The following SAMD12 variants were observed in gnomAD, a reference collection of about 807,000 sequenced individuals.
SAMD12 encodes sterile alpha motif domain containing 12.
In SAMD12, 9 loss-of-function variants were observed where a neutral mutation model predicts 15.0. That is an observed-to-expected ratio of 0.60 (90% CI 0.36 to 1.05). SAMD12 has a LOEUF of 1.05. Ranked by LOEUF, SAMD12 falls within the 50% of genes least tolerant of loss-of-function variation. The pLI is 0.01. For synonymous variants in SAMD12, 86 were observed against 90.1 expected (o/e 0.96, Z 0.25); for missense variants, 230 against 234.2 (o/e 0.98, Z 0.12).
At chr8:118,254,997 T>A (rs1000725937) in intron 4 of SAMD12, among the ~76,000 whole-genome samples, 2 of 152,056 alleles carry the variant, frequency 1.3e-5, no homozygotes, top group Non-Finnish European at 2.9e-5. Context: ...ATTATCATGA[T>A]GTGGCTTGAT....
intron 2 of SAMD12, among the ~76,000 whole-genome samples, chr8:118,453,663 G>C (rs940673341): frequency 6.6e-6 from 1 of 151,970 alleles, no homozygotes; most frequent in Admixed American, 6.6e-5. Flanking sequence ...TGGGACTACA[G>C]GTGCATGCCC....
intron 4 of SAMD12, among the ~76,000 whole-genome samples, chr8:118,280,764 A>G (rs1813606593): frequency 6.6e-6 from 1 of 152,164 alleles, no homozygotes; most frequent in Admixed American, 6.5e-5. Context: ...ACTTTTCTCC[A>G]CTTTATTACT....
At chr8:118,551,515 A>G (rs1396279421) in intron 2 of SAMD12, among the ~76,000 whole-genome samples, 1 of 152,274 alleles carries the variant, frequency 6.6e-6, no homozygotes, top group East Asian at 1.9e-4. Flanking sequence ...TCTCTGGGAC[A>G]CATTCAAAGC....
the SAMD12 span, among the ~76,000 whole-genome samples, chr8:118,167,126 TC>T: frequency 3.3e-5 from 5 of 152,156 alleles, no homozygotes; most frequent in Non-Finnish European, 7.4e-5. Context: ...GAACTCCACT[TC>T]TTTGCAAGTG....
intron 2 of SAMD12, among the ~76,000 whole-genome samples, chr8:118,536,443 A>AAC (rs1165508519): frequency 0.089 from 12,523 of 140,564 alleles, 571 homozygotes; most frequent in South Asian, 0.11. Context: ...CTGATACACA[A>AAC]ACACACACAC....
chr8:118,576,978 T>C (rs1247174568), intron 2 of SAMD12, among the ~76,000 whole-genome samples: 2 of 152,156 alleles, frequency 1.3e-5, no homozygotes, highest in Admixed American at 6.5e-5. Flanking sequence ...TATGTAAACA[T>C]AGTTTTTTAC....
At chr8:118,498,522 CA>C (rs1392538249) in intron 2 of SAMD12, among the ~76,000 whole-genome samples, 4 of 152,198 alleles carry the variant, frequency 2.6e-5, no homozygotes, top group African/African-American at 9.7e-5. Context: ...CTAATAATGT[CA>C]CGACTGCACC....
At chr8:118,253,178 C>T (rs1399149132) in intron 4 of SAMD12, among the ~76,000 whole-genome samples, 4 of 152,146 alleles carry the variant, frequency 2.6e-5, no homozygotes, top group East Asian at 1.9e-4. Context: ...TCCCAATCTT[C>T]GTTTCTAGCA....
chr8:118,164,787 A>G, the SAMD12 span, among the ~76,000 whole-genome samples: 1 of 152,016 alleles, frequency 6.6e-6, no homozygotes, highest in African/African-American at 2.4e-5. Flanking sequence ...TCATGCATGA[A>G]TATTAGAACC....
chr8:118,252,041 G>A (rs1210909104), intron 4 of SAMD12, among the ~76,000 whole-genome samples: 1 of 152,120 alleles, frequency 6.6e-6, no homozygotes, highest in Non-Finnish European at 1.5e-5. Flanking sequence ...GCTCTGCCTG[G>A]GTGCCGCAGA....
intron 3 of SAMD12, among the ~76,000 whole-genome samples, chr8:118,403,569 C>A (rs945654338): frequency 6.6e-6 from 1 of 152,192 alleles, no homozygotes; most frequent in Admixed American, 6.5e-5. Context: ...GGATTAAATT[C>A]GATGATCCAT....
At chr8:118,144,013 G>A in the SAMD12 span, among the ~76,000 whole-genome samples, 2 of 152,078 alleles carry the variant, frequency 1.3e-5, no homozygotes, top group Admixed American at 1.3e-4. Flanking sequence ...CTAAAGTTCT[G>A]GGAGAGAATC....
At chr8:118,134,842 T>A in the SAMD12 span, among the ~76,000 whole-genome samples, 7 of 152,148 alleles carry the variant, frequency 4.6e-5, no homozygotes, top group Non-Finnish European at 8.8e-5. Flanking sequence ...GCAAACTCAC[T>A]CCCTCACTCA....
intron 2 of SAMD12, among the ~76,000 whole-genome samples, chr8:118,447,024 C>T (rs907422713): frequency 1.3e-5 from 2 of 152,158 alleles, no homozygotes; most frequent in African/African-American, 4.8e-5. Context: ...TTGTAGCCTA[C>T]ATTTCATATC....
chr8:118,488,686 G>C (rs73708336), intron 2 of SAMD12, among the ~76,000 whole-genome samples: 3 of 152,100 alleles, frequency 2.0e-5, no homozygotes, highest in Non-Finnish European at 4.4e-5. Context: ...ATTGTTACAC[G>C]CACGAGTAAT....
At position 118,549,824 on chromosome 8, in the gene SAMD12, A is replaced by G. The variant is rs1202922410; in HGVS notation, c.192+30891T>C. Among the ~76,000 whole-genome samples the G allele has an allele frequency of 3.3e-5, 5 of 152,356 alleles. No individual in the cohort carries two copies. In the East Asian group the frequency reaches 9.6e-4, roughly 29 times the overall value. ...ATAACTAGAATAACCAATACAGAGAAGTGCTTAAAGGAACTGATGGAGCTG... is the reference window on the plus strand; with the variant it reads ...ATAACTAGAATAACCAATACAGAGAGGTGCTTAAAGGAACTGATGGAGCTG... On this transcript the variant is annotated intron_variant, in intron 2 of 3. Coordinates refer to ENST00000314727, the MANE Select transcript of SAMD12 (RefSeq NM_207506.3).
chr8:118,433,411 T>C (rs1212317397), intron 3 of SAMD12, among the ~76,000 whole-genome samples: 1 of 104,206 alleles, frequency 9.6e-6, no homozygotes, highest in African/African-American at 3.5e-5. Context: ...ATTGAAAGGG[T>C]CTTTTTTTTT....
At chr8:118,494,348 T>A (rs961894830) in intron 2 of SAMD12, among the ~76,000 whole-genome samples, 1 of 152,214 alleles carries the variant, frequency 6.6e-6, no homozygotes, top group African/African-American at 2.4e-5. Flanking sequence ...TTATCCACTA[T>A]GTGTGTGGCA....
chr8:118,531,894 C>G (rs1825697164), intron 2 of SAMD12, among the ~76,000 whole-genome samples: 1 of 152,190 alleles, frequency 6.6e-6, no homozygotes, highest in African/African-American at 2.4e-5. Flanking sequence ...TCGACTTCCT[C>G]TTTTCCTAAT....
Sources: allele counts gnomAD v4.1 joint callset (sites outside exome capture counted in the v4.1 genomes callset), GRCh38; gene constraint gnomAD v4.1.1; transcripts MANE v1.5; gene names NCBI Gene and HGNC (gene_info 2026-07-23, HGNC 2026-07-21).